Variants in DOCK10 observed in about 807,000 individuals in gnomAD.
DOCK10 encodes dedicator of cytokinesis protein 10.
DOCK10 carries 145 observed loss-of-function variants against 280.1 expected under a neutral mutation model. The ratio of observed to expected loss-of-function variants is 0.52; its 90% CI spans 0.45 to 0.59. The LOEUF (loss-of-function observed/expected upper bound fraction) is 0.59. Ranked by LOEUF, DOCK10 falls within the 20% of genes least tolerant of loss-of-function variation. DOCK10 has a pLI of 0.00. For missense variants in DOCK10, 2,368 were observed against 2,651.7 expected, an observed-to-expected ratio of 0.89 and a Z score of 2.35; for synonymous variants, 915 against 942.2, an observed-to-expected ratio of 0.97 and a Z score of 0.53.
intron 18 of DOCK10, among the ~76,000 whole-genome samples, 195 bp downstream of exon 18, chr2:224,852,182 A>G (rs1696790978): frequency 1.3e-5 from 2 of 152,240 alleles, no homozygotes; most frequent in Admixed American, 6.5e-5. Context: ...AAAAGCTAAA[A>G]GAGCTATGAG....
intron 27 of DOCK10, among the ~76,000 whole-genome samples, chr2:224,824,224 T>C (rs1039683147): frequency 5.9e-5 from 9 of 152,132 alleles, no homozygotes; most frequent in African/African-American, 2.2e-4. Context: ...CTGGTCCCAG[T>C]ATATGCCACA....
chr2:224,776,222 C>T (rs1411326447), intron 51 of DOCK10, among the ~76,000 whole-genome samples: 1 of 152,156 alleles, frequency 6.6e-6, no homozygotes, highest in Non-Finnish European at 1.5e-5. Flanking sequence ...CACTGCCTAT[C>T]CAGTCCCAGA....
intron 7 of DOCK10, among the ~76,000 whole-genome samples, chr2:224,883,246 T>A (rs1250197078): frequency 1.3e-5 from 2 of 152,218 alleles, no homozygotes; most frequent in African/African-American, 2.4e-5. Flanking sequence ...CGTGTGATAG[T>A]GAGCAAGTAG....
chr2:224,797,122 G>T lies in DOCK10; in HGVS notation c.4669C>A (p.Pro1557Thr). 1 of 1,606,890 alleles carries T rather than the reference G, an allele frequency of 6.2e-7. No individual in the cohort carries two copies. Among genetic ancestry groups the T allele is most frequent in the Non-Finnish European group, 8.5e-7 (1 of 1,176,796 alleles). ...CKFPSAFFQG[P>T]ADLCGSFCYE... ...CAGAATGATCCACAGAGGTCAGCAGGCCCTTGAAAGAACGCTGAAGGAAAC... is the reference window on the plus strand; with the variant it reads ...CAGAATGATCCACAGAGGTCAGCAGTCCCTTGAAAGAACGCTGAAGGAAAC... The change falls in exon 43 of 56, where the codon CCT (proline) becomes ACT (threonine). Residue 1557 changes from proline to threonine, a missense_variant. Physicochemically the swap from Pro to Thr is conservative, Grantham distance 38 (BLOSUM62 -1). Around this residue, in one of 2 missense-constraint regions of DOCK10, gnomAD observed 1,159 missense variants for 1,400.8 expected, o/e 0.83. Transcript: ENST00000258390.
rs760392056 is a variant in DOCK10, at chr2:224,845,649, C to T, written c.2236-7G>A. 2.4e-5 allele frequency: 39 copies of T among 1,605,588 alleles called. No homozygotes were observed. The East Asian group carries it at 2.5e-4, about 10-fold the overall frequency. On this transcript the variant is annotated splice_region_variant and splice_polypyrimidine_tract_variant and intron_variant, in intron 19 of 55. Transcript: ENST00000258390. ...TTGGTAGCTCAATTTTCACCTGCAA[C>T]GAAAGAAACCATAGTTGGACTGAGA... is the stretch of plus-strand genomic sequence containing the variant.
chr2:224,949,002 C>T (rs769897388), intron 1 of DOCK10, among the ~76,000 whole-genome samples: 57 of 152,192 alleles, frequency 3.7e-4, no homozygotes, highest in Admixed American at 2.9e-3. Flanking sequence ...TTCTCCATTT[C>T]CTCAGCTGCT....
chr2:224,825,166 G>C (rs1240217767), intron 27 of DOCK10, among the ~76,000 whole-genome samples: 1 of 151,810 alleles, frequency 6.6e-6, no homozygotes, highest in African/African-American at 2.4e-5. Flanking sequence ...TTTTAGTAGA[G>C]ATGGGGTTTC....
At chr2:224,809,278 G>T (rs912485289) in intron 31 of DOCK10, among the ~76,000 whole-genome samples, 3 of 152,072 alleles carry the variant, frequency 2.0e-5, no homozygotes, top group African/African-American at 7.2e-5. Flanking sequence ...TTTGACAGTG[G>T]CATTCACAAT....
chr2:224,787,538 A>G, intron 48 of DOCK10, 141 bp from the exon 49 acceptor site: 5 of 1,055,384 alleles, frequency 4.7e-6, no homozygotes, highest in Non-Finnish European at 7.0e-6. Context: ...TCGTGGTGTC[A>G]TCTTGGATTC....
chr2:225,003,295 C>T (rs977091103), intron 1 of DOCK10, among the ~76,000 whole-genome samples: 5 of 152,132 alleles, frequency 3.3e-5, no homozygotes, highest in Non-Finnish European at 5.9e-5. Flanking sequence ...GCATCTGCCT[C>T]GGCTTCTCAA....
chr2:224,775,559 T>TC lies in DOCK10; in HGVS notation c.5803-445dup, dbSNP rs1322493165. Among the ~76,000 whole-genome samples, 4 of 152,268 alleles carry TC rather than the reference T, an allele frequency of 2.6e-5. No individual in the cohort carries two copies. In the East Asian group the frequency reaches 7.7e-4, roughly 29 times the overall value. On this transcript the variant is annotated intron_variant, in intron 51 of 55. Coordinates refer to ENST00000258390, the MANE Select transcript of DOCK10 (RefSeq NM_014689.3). Reference sequence around the variant, plus strand: ...GGCACGATCTCGGCTCACTGCAACCTCCCCCTCCTGGGTTCAAGTGATTTT... The same window carrying TC: ...GGCACGATCTCGGCTCACTGCAACCTCCCCCCTCCTGGGTTCAAGTGATTTT...
chr2:224,809,989 C>A (rs377665688), intron 31 of DOCK10, among the ~76,000 whole-genome samples: 618 of 115,056 alleles, frequency 5.4e-3, no homozygotes, highest in East Asian at 0.01. Context: ...TATTCAGCCT[C>A]AAAAAAAAAA....
chr2:224,960,638 T>C (rs536326626), intron 1 of DOCK10, among the ~76,000 whole-genome samples: 1 of 150,734 alleles, frequency 6.6e-6, no homozygotes, highest in South Asian at 2.1e-4. Context: ...TTTACTAACA[T>C]AATCATCCAC....
chr2:224,897,989 TA>T (rs1476435098), intron 3 of DOCK10, among the ~76,000 whole-genome samples: 6 of 152,062 alleles, frequency 3.9e-5, no homozygotes, highest in African/African-American at 9.7e-5. Flanking sequence ...TCTTTAGCAT[TA>T]GGGGGAAAAT....
At chr2:224,898,918 T>C (rs574499250) in intron 3 of DOCK10, among the ~76,000 whole-genome samples, 1 of 152,346 alleles carries the variant, frequency 6.6e-6, no homozygotes, top group East Asian at 1.9e-4. Flanking sequence ...ATGTTTTATC[T>C]TCATTTTGGA....
At position 225,041,042 on chromosome 2, in the gene DOCK10, C is replaced by T. The variant is rs191332399; in HGVS notation, c.123+1210G>A. ...ACCAATTCGTTTCACACTCCAATCACCCCCGCCCGCTCTACACCCCCTGGG... is the reference window on the plus strand; with the variant it reads ...ACCAATTCGTTTCACACTCCAATCATCCCCGCCCGCTCTACACCCCCTGGG... On this transcript the variant is annotated intron_variant, in intron 1 of 55. Transcript: ENST00000258390. Among the ~76,000 whole-genome samples the T allele has an allele frequency of 4.1e-4, 62 of 151,432 alleles. No homozygotes were observed. The East Asian group carries it at 1.0e-2, about 24-fold the overall frequency.
At chr2:224,990,673 TG>T in intron 1 of DOCK10, among the ~76,000 whole-genome samples, 1 of 152,188 alleles carries the variant, frequency 6.6e-6, no homozygotes, top group Non-Finnish European at 1.5e-5. Context: ...CCCTGAGTGA[TG>T]GGGGAATGGG....
chr2:224,923,911 C>T (rs548726748), intron 2 of DOCK10, among the ~76,000 whole-genome samples: 1 of 152,270 alleles, frequency 6.6e-6, no homozygotes, highest in Admixed American at 6.5e-5. Context: ...ATATTTTAGG[C>T]CGAAAGGTTA....
At chr2:224,864,499 G>C (rs1697734392) in intron 13 of DOCK10, 54 bp downstream of exon 13, 5 of 1,461,332 alleles carry the variant, frequency 3.4e-6, no homozygotes, top group South Asian at 1.4e-5. Flanking sequence ...GACAGGGAGA[G>C]ACTCTATTAA....
Sources: allele counts gnomAD v4.1 joint callset (sites outside exome capture counted in the v4.1 genomes callset), GRCh38; gene constraint gnomAD v4.1.1; regional missense constraint gnomAD v4.1.1; transcripts MANE v1.5; gene names NCBI Gene and HGNC (gene_info 2026-07-23, HGNC 2026-07-21).